QKI: variants seen among roughly 807,000 people sequenced by gnomAD.
QKI encodes KH domain-containing RNA-binding protein QKI.
QKI carries 10 observed loss-of-function variants against 39.0 expected under a neutral mutation model. The observed-to-expected ratio is 0.26, with a 90% CI of 0.16 to 0.43. The LOEUF (loss-of-function observed/expected upper bound fraction) is 0.43, where lower values mean the gene tolerates loss of function less well. QKI is among the 20% of genes least tolerant of loss of function. The pLI is 1.00. For synonymous variants in QKI, 204 were observed against 155.4 expected, an observed-to-expected ratio of 1.31 and a Z score of -2.33; for missense variants, 218 against 428.0, an observed-to-expected ratio of 0.51 and a Z score of 4.33.
intron 4 of QKI, among the ~76,000 whole-genome samples, chr6:163,539,038 G>A (rs1350659197): frequency 6.6e-6 from 1 of 152,188 alleles, no homozygotes; most frequent in Non-Finnish European, 1.5e-5. Flanking sequence ...ATTGTCATTA[G>A]ATCAAAAGCT....
chr6:163,569,507 T>TA, intron 7 of QKI: 1 of 1,264,444 alleles, frequency 7.9e-7, no homozygotes, highest in Non-Finnish European at 1.0e-6. Context: ...AGCTGTTGAA[T>TA]GAGTCTTAAA....
chr6:163,565,255 C>G (rs1235975255), intron 6 of QKI: 1 of 986,816 alleles, frequency 1.0e-6, no homozygotes, highest in Non-Finnish European at 1.2e-6. Flanking sequence ...GTCCTGTGGT[C>G]CCGTGCATGC....
chr6:163,568,784 A>G (rs913702039), intron 7 of QKI: 11 of 984,816 alleles, frequency 1.1e-5, no homozygotes, highest in African/African-American at 3.5e-5. Context: ...TACTAAAAGT[A>G]AACTCACCTC....
At position 163,566,710 on chromosome 6, in the gene QKI, A is replaced by C. The variant is rs1180590809; in HGVS notation, c.935-11A>C. ...TTTCTAACTTTGTCTTGGTAATTGC[A>C]ATTTAACTAGGTGCGGTGGCTACTA... On this transcript the variant is annotated splice_polypyrimidine_tract_variant and intron_variant, in intron 6 of 7. Coordinates refer to ENST00000361752, the MANE Select transcript of QKI (RefSeq NM_006775.3). 60 of 1,613,164 alleles carry C rather than the reference A, an allele frequency of 3.7e-5. No homozygotes were observed. Among genetic ancestry groups the C allele is most frequent in the Non-Finnish European group, 4.8e-5 (57 of 1,179,648 alleles).
At chr6:163,447,564 A>G (rs1178516692) in intron 1 of QKI, among the ~76,000 whole-genome samples, 1 of 152,104 alleles carries the variant, frequency 6.6e-6, no homozygotes, top group Non-Finnish European at 1.5e-5. Flanking sequence ...TTTATGAGCT[A>G]ACTTTTGTAG....
chr6:163,526,818 G>T (rs540701504), intron 3 of QKI, among the ~76,000 whole-genome samples: 4 of 152,232 alleles, frequency 2.6e-5, no homozygotes, highest in East Asian at 3.9e-4. Context: ...TCATCGTGGG[G>T]CCAGAATAGT....
At chr6:163,535,508 A>G (rs1162113287) in intron 4 of QKI, among the ~76,000 whole-genome samples, 1 of 137,532 alleles carries the variant, frequency 7.3e-6, no homozygotes, top group East Asian at 2.2e-4. Flanking sequence ...TAATAATTGT[A>G]CTACTCCCAG....
At chr6:163,562,787 G>A (rs909702528) in intron 5 of QKI, among the ~76,000 whole-genome samples, 5 of 152,188 alleles carry the variant, frequency 3.3e-5, no homozygotes, top group Non-Finnish European at 5.9e-5. Flanking sequence ...TTTAGAAGAT[G>A]TAGGCAACCT....
At chr6:163,473,765 A>G (rs1482443937) in intron 2 of QKI, among the ~76,000 whole-genome samples, 8 of 152,198 alleles carry the variant, frequency 5.3e-5, no homozygotes, top group Admixed American at 4.6e-4. Context: ...TTTAAGGAAG[A>G]AATAACAGCC....
At chr6:163,511,127 T>G (rs985035647) in intron 3 of QKI, among the ~76,000 whole-genome samples, 2 of 152,154 alleles carry the variant, frequency 1.3e-5, no homozygotes, top group Admixed American at 6.6e-5. Flanking sequence ...AGTGACACAC[T>G]TTTTTGTAAT....
intron 1 of QKI, among the ~76,000 whole-genome samples, chr6:163,442,302 AT>A (rs1403706242): frequency 1.3e-5 from 2 of 152,254 alleles, no homozygotes; most frequent in Admixed American, 1.3e-4. Flanking sequence ...AAATGAAAAA[AT>A]AATTTAAACA....
intron 3 of QKI, among the ~76,000 whole-genome samples, chr6:163,505,931 ATG>A (rs1779066402): frequency 6.6e-6 from 1 of 152,076 alleles, no homozygotes; most frequent in Admixed American, 6.6e-5. Flanking sequence ...TGTAATTCCC[ATG>A]TGTTGAGGGA....
chr6:163,541,592 G>T (rs1366256943), intron 4 of QKI, among the ~76,000 whole-genome samples: 1 of 150,896 alleles, frequency 6.6e-6, no homozygotes, highest in Admixed American at 6.6e-5. Flanking sequence ...ACACACCAGT[G>T]TGTTCTTGAT....
intron 3 of QKI, among the ~76,000 whole-genome samples, chr6:163,508,116 G>C (rs1277297455): frequency 6.6e-6 from 1 of 151,780 alleles, no homozygotes; most frequent in East Asian, 1.9e-4. Context: ...AAAGAACAAA[G>C]AGAAAAAAAA....
chr6:163,504,027 G>C (rs933603933), intron 3 of QKI, among the ~76,000 whole-genome samples: 5 of 152,196 alleles, frequency 3.3e-5, no homozygotes, highest in African/African-American at 1.2e-4. Context: ...ACAGGTGTGA[G>C]CCCCCACCCC....
chr6:163,566,842 T>G, intron 7 of QKI, 47 bp downstream of exon 7: 2 of 1,598,502 alleles, frequency 1.3e-6, no homozygotes, highest in Non-Finnish European at 1.7e-6. Context: ...GCGTTGGGTG[T>G]CCATAAAATT....
Position 163,464,467 on chromosome 6 carries a change from C to T in QKI, c.285+9046C>T, listed in dbSNP as rs776450809. On this transcript the variant is annotated intron_variant, in intron 2 of 7. Transcript: ENST00000361752. ...CAAAATTGACAGACCTTTAGTTGGA[C>T]TAACCAAGAGAAAAAAAAGTCAAAA... is the stretch of plus-strand genomic sequence containing the variant. Among the ~76,000 whole-genome samples, 6 of 151,582 alleles carry T rather than the reference C, an allele frequency of 4.0e-5. No homozygotes were observed. The East Asian group carries it at 9.7e-4, about 24-fold the overall frequency.
intron 2 of QKI, among the ~76,000 whole-genome samples, chr6:163,463,211 A>G (rs1791472788): frequency 6.6e-6 from 1 of 152,194 alleles, no homozygotes; most frequent in South Asian, 2.1e-4. Context: ...TTATCAGGGT[A>G]TATGTTAAGG....
intron 3 of QKI, among the ~76,000 whole-genome samples, chr6:163,509,450 C>G (rs1344489348): frequency 7.0e-6 from 1 of 143,452 alleles, no homozygotes; most frequent in African/African-American, 2.6e-5. Flanking sequence ...TTCTTAATTT[C>G]TTTATATTAC....
Sources: gnomAD v4.1 joint callset for allele counts (sites outside exome capture counted in the v4.1 genomes callset) on GRCh38, gnomAD v4.1.1 for gene constraint, MANE v1.5 for transcripts, NCBI Gene and HGNC (gene_info 2026-07-23, HGNC 2026-07-21) for gene names.